B4GALT4: variants seen among roughly 807,000 people sequenced by gnomAD.
B4GALT4 encodes beta-1,4-galactosyltransferase 4, also known as N-acetyllactosamine synthase.
In B4GALT4, 27 loss-of-function variants were observed where a neutral mutation model predicts 37.3. The ratio of observed to expected loss-of-function variants is 0.72; its 90% CI spans 0.53 to 1.00. The LOEUF is 1.00. Among genes scored for constraint, B4GALT4 ranks in the 50% least tolerant of loss-of-function variants. The pLI, the probability that B4GALT4 is intolerant of heterozygous loss-of-function variation, is 0.00. For synonymous variants in B4GALT4, 148 were observed against 154.1 expected (o/e 0.96, Z 0.29); for missense variants, 372 against 413.1 (o/e 0.90, Z 0.86).
At chr3:119,221,516 T>C (rs1378243547) in intron 5 of B4GALT4, among the ~76,000 whole-genome samples, 2 of 152,182 alleles carry the variant, frequency 1.3e-5, no homozygotes, top group South Asian at 4.1e-4. Context: ...CCACAGGGAC[T>C]TTGCCCAAAG....
chr3:119,230,929 A>G (rs916182334), intron 2 of B4GALT4, among the ~76,000 whole-genome samples: 3 of 152,248 alleles, frequency 2.0e-5, no homozygotes, highest in African/African-American at 7.2e-5. Flanking sequence ...CAGCTCTACC[A>G]CATAACAGCT....
rs2078762926 is a variant in B4GALT4, at chr3:119,230,186, A to G, written c.-87T>C. 6 of 1,513,574 alleles carry G rather than the reference A, an allele frequency of 4.0e-6. No individual in the cohort carries two copies. Among genetic ancestry groups the G allele is most frequent in the East Asian group, 2.3e-5 (1 of 44,152 alleles). The allele number at this position is 1,513,574 out of a possible 1,614,324, so 93.8% of individuals were successfully genotyped here. ...TTGAGCTTTTCCAATCTGATTGCGA[A>G]CTTGATGACAACTGAAGATACAATG... is the stretch of plus-strand genomic sequence containing the variant. On this transcript the variant is annotated 5_prime_UTR_variant, in exon 3 of 8. Coordinates refer to ENST00000393765, the MANE Select transcript of B4GALT4 (RefSeq NM_003778.4).
intron 3 of B4GALT4, among the ~76,000 whole-genome samples, chr3:119,227,301 C>T (rs2078653188): frequency 6.6e-6 from 1 of 152,172 alleles, no homozygotes. Flanking sequence ...TCAACTTGCT[C>T]TATGATCCAT....
intron 4 of B4GALT4, 35 bp downstream of exon 4, chr3:119,226,774 G>A (rs2078631979): frequency 6.4e-7 from 1 of 1,569,786 alleles, no homozygotes; most frequent in East Asian, 2.3e-5. Flanking sequence ...GAAGAGGAGG[G>A]TCGAGGGCAG....
chr3:119,232,165 T>C (rs2078844750), intron 2 of B4GALT4, among the ~76,000 whole-genome samples: 1 of 152,166 alleles, frequency 6.6e-6, no homozygotes, highest in East Asian at 1.9e-4. Context: ...TGGGGAATGT[T>C]TGACCCAGGA....
intron 4 of B4GALT4, 102 bp from the exon 5 acceptor site, chr3:119,224,347 T>C: frequency 3.9e-6 from 3 of 773,458 alleles, no homozygotes; most frequent in Admixed American, 3.6e-5. Context: ...CTAATTATTC[T>C]ACGCACGAGA....
In B4GALT4 at chr3:119,228,871, T is replaced by C. The variant is rs183145049; in HGVS notation, c.253+976A>G. Among the ~76,000 whole-genome samples the C allele has an allele frequency of 1.3e-4, 19 of 148,406 alleles. No homozygotes were observed. In the East Asian group the frequency reaches 3.6e-3, roughly 28 times the overall value. ...AGATCTATCTATCTCTGTCTTTCTC[T>C]CTCCCTCTCTCTTTCCCTTTCCCCC... On this transcript the variant is annotated intron_variant, in intron 3 of 7. Coordinates refer to ENST00000393765, the MANE Select transcript of B4GALT4 (RefSeq NM_003778.4).
chr3:119,231,322 C>G (rs914351947), intron 2 of B4GALT4, among the ~76,000 whole-genome samples: 1 of 152,172 alleles, frequency 6.6e-6, no homozygotes, highest in Non-Finnish European at 1.5e-5. Flanking sequence ...GACAAGGATA[C>G]CTGGTTTGCC....
At chr3:119,220,486 G>C (rs952189289) in intron 5 of B4GALT4, among the ~76,000 whole-genome samples, 1 of 152,218 alleles carries the variant, frequency 6.6e-6, no homozygotes, top group Non-Finnish European at 1.5e-5. Context: ...TAATAAGAGA[G>C]GTGAACATTA....
At chr3:119,221,198 G>A (rs2078440217) in intron 5 of B4GALT4, among the ~76,000 whole-genome samples, 1 of 152,186 alleles carries the variant, frequency 6.6e-6, no homozygotes, top group African/African-American at 2.4e-5. Flanking sequence ...TTGTAGGAAG[G>A]AGGCTGGTAC....
intron 3 of B4GALT4, among the ~76,000 whole-genome samples, chr3:119,227,437 A>G (rs2078659577): frequency 6.6e-6 from 1 of 152,144 alleles, no homozygotes; most frequent in Non-Finnish European, 1.5e-5. Flanking sequence ...AATCTCTTAA[A>G]TATCAACAGC....
intron 7 of B4GALT4, 106 bp from the exon 8 acceptor site, chr3:119,212,787 AC>A (rs760595977): frequency 5.4e-6 from 6 of 1,104,664 alleles, no homozygotes; most frequent in East Asian, 5.6e-5. Context: ...AAATTATTGT[AC>A]CTGTTGTGTT....
intron 6 of B4GALT4, 46 bp from the exon 7 acceptor site, chr3:119,216,390 A>G: frequency 6.7e-7 from 1 of 1,492,400 alleles, no homozygotes; most frequent in Non-Finnish European, 9.3e-7. Flanking sequence ...CTATTTATCT[A>G]CCACTAGGCA....
intron 6 of B4GALT4, among the ~76,000 whole-genome samples, chr3:119,217,040 T>C (rs2078311840): frequency 6.6e-6 from 1 of 152,238 alleles, no homozygotes. Flanking sequence ...ACTTTCATAT[T>C]CAAATCATCT....
intron 2 of B4GALT4, among the ~76,000 whole-genome samples, chr3:119,231,256 T>C (rs1349750336): frequency 1.3e-5 from 2 of 152,158 alleles, no homozygotes; most frequent in Non-Finnish European, 2.9e-5. Flanking sequence ...TAAGACCACC[T>C]AGCTGAGGGC....
At chr3:119,223,416 C>T (rs982364185) in intron 5 of B4GALT4, among the ~76,000 whole-genome samples, 1 of 152,164 alleles carries the variant, frequency 6.6e-6, no homozygotes, top group Non-Finnish European at 1.5e-5. Context: ...TCACTATTCC[C>T]GCTTGGTTGT....
In B4GALT4 at chr3:119,229,854, A is replaced by G; in HGVS notation, c.246T>C (p.Pro82=). The stretch of plus-strand genomic sequence containing the variant: ...GAAAAAAGCAACACTTACTGAGGTA[A>G]GGAGACACAGAAGGGCAGTTGTCAA... ...VELDNCPSVS[P]YLRGQSKLIF... The change falls in exon 3 of 8, where the codon CCT becomes CCC. Residue 82 remains proline (P), a synonymous_variant. Coordinates refer to ENST00000393765, the MANE Select transcript of B4GALT4 (RefSeq NM_003778.4). 1 of 1,614,140 alleles carries G rather than the reference A, an allele frequency of 6.2e-7. No homozygotes were observed.
Position 119,229,914 on chromosome 3 carries a change from A to T in B4GALT4, c.186T>A (p.Thr62=). Residue 62 remains threonine (T), a synonymous_variant, in exon 3 of 8, where the codon ACT becomes ACA. Transcript: ENST00000393765. ...TCTTCGTGGATGCTTCATTAGTCAG[A>T]GTTTTTCCCTTCCCCAAAATGAGGG... is the stretch of plus-strand genomic sequence containing the variant. The part of the protein sequence containing the change: ...HKTLILGKGK[T]LTNEASTKKV... The T allele has an allele frequency of 6.2e-7, 1 of 1,614,172 alleles. No individual in the cohort carries two copies. The highest frequency in any genetic ancestry group is 2.2e-5 in the East Asian group (1 of 44,886).
chr3:119,214,896 G>T (rs1295941871), intron 7 of B4GALT4: 1 of 152,142 alleles, frequency 6.6e-6, no homozygotes, highest in Non-Finnish European at 1.5e-5. Context: ...AGATTAGACT[G>T]GCAATATCGA....
Sources: gnomAD v4.1 joint callset for allele counts (sites outside exome capture counted in the v4.1 genomes callset) on GRCh38, gnomAD v4.1.1 for gene constraint, MANE v1.5 for transcripts, NCBI Gene and HGNC (gene_info 2026-07-23, HGNC 2026-07-21) for gene names.